Variants in HYDIN observed in about 807,000 individuals in gnomAD.
The protein encoded by HYDIN is axonemal central pair apparatus protein HYDIN.
A neutral mutation model predicts 403.9 loss-of-function variants in HYDIN; 132 were observed. That is an observed-to-expected ratio of 0.33 (90% CI 0.28 to 0.38). The LOEUF is 0.38. HYDIN is among the 10% of genes least tolerant of loss of function. The pLI is 1.00. For synonymous variants in HYDIN, 1,202 were observed against 1,891.7 expected (o/e 0.64, Z 9.46); for missense variants, 2,827 against 5,009.5 (o/e 0.56, Z 13.15).
intron 6 of HYDIN, among the ~76,000 whole-genome samples, chr16:71,158,390 GTAGA>G (rs1012965188): frequency 1.1e-4 from 16 of 152,136 alleles, no homozygotes; most frequent in South Asian, 4.2e-4. Flanking sequence ...ATATTCATAG[GTAGA>G]TAGATAGAAA....
intron 38 of HYDIN, among the ~76,000 whole-genome samples, chr16:70,961,321 T>C (rs982516881): frequency 5.3e-5 from 8 of 152,076 alleles, no homozygotes; most frequent in East Asian, 1.9e-4. Context: ...TACATGTTCC[T>C]GACTTCATTT....
intron 60 of HYDIN, among the ~76,000 whole-genome samples, chr16:70,881,344 CA>C (rs1348915354): frequency 1.4e-5 from 2 of 143,590 alleles, no homozygotes; most frequent in East Asian, 3.9e-4. Context: ...TGCGGTGGCT[CA>C]TGCCCGTAAT....
At chr16:71,165,854 C>T (rs1229786929) in intron 5 of HYDIN, among the ~76,000 whole-genome samples, 2 of 146,680 alleles carry the variant, frequency 1.4e-5, no homozygotes, top group Non-Finnish European at 3.0e-5. Flanking sequence ...TGATTTGGAA[C>T]CTGTGGCCAG....
intron 19 of HYDIN, among the ~76,000 whole-genome samples, chr16:71,028,259 G>A (rs1180293288): frequency 6.6e-6 from 1 of 152,104 alleles, no homozygotes; most frequent in Non-Finnish European, 1.5e-5. Flanking sequence ...TAGTGACTGA[G>A]TGGAATGTCC....
At chr16:70,819,682 G>T (rs937623870) in intron 83 of HYDIN, among the ~76,000 whole-genome samples, 11 of 147,510 alleles carry the variant, frequency 7.5e-5, no homozygotes, top group Non-Finnish European at 1.2e-4. Flanking sequence ...ATGCAATAGG[G>T]TCTATTCAAG....
At position 71,175,561 on chromosome 16, in the gene HYDIN, A is replaced by G. The variant is rs367816008; in HGVS notation, c.516+46T>C. 3.8e-6 allele frequency: 6 copies of G among 1,599,110 alleles called. No homozygotes were observed. In the African/African-American group the frequency reaches 8.1e-5, roughly 21 times the overall value. The stretch of plus-strand genomic sequence containing the variant: ...CTGTAAATATTCAGAATTGAACTGC[A>G]ATCTGCCAGTACAAGTGTCCAATTT... On this transcript the variant is annotated intron_variant, in intron 5 of 85. Transcript: ENST00000393567.
intron 23 of HYDIN, among the ~76,000 whole-genome samples, chr16:70,995,617 C>A (rs1434629379): frequency 6.6e-6 from 1 of 152,062 alleles, no homozygotes; most frequent in East Asian, 1.9e-4. Flanking sequence ...CCCTGATGAA[C>A]AAGCTTGTAT....
rs58496012 is a variant in HYDIN at position 70,936,540 on chromosome 16, A to ATT, written c.6996-428_6996-427dup. Among the ~76,000 whole-genome samples, 88 of 67,498 alleles carry ATT rather than the reference A, an allele frequency of 1.3e-3. 7 individuals are homozygous for ATT. The highest frequency in any genetic ancestry group is 6.9e-3 in the East Asian group (19 of 2,764). 44.3% of individuals were successfully genotyped at this position (67,498 alleles called of 152,430 possible). A position where few individuals can be genotyped will look rare whatever the true frequency, so the allele number is the denominator to read the frequency against. Reference sequence around the variant, plus strand: ...CATGTTTGCTGTTCAGAAAATAAGAATTTTTTTTTTTTTTTGACAGAGTCT... The same window carrying ATT: ...CATGTTTGCTGTTCAGAAAATAAGAATTTTTTTTTTTTTTTTTGACAGAGTCT... On this transcript the variant is annotated intron_variant, in intron 44 of 85. Coordinates refer to ENST00000393567, the MANE Select transcript of HYDIN (RefSeq NM_001270974.2).
chr16:71,171,626 T>G (rs530446987), intron 5 of HYDIN, among the ~76,000 whole-genome samples: 1 of 152,162 alleles, frequency 6.6e-6, no homozygotes, highest in African/African-American at 2.4e-5. Context: ...ATGAGGTCCA[T>G]AAAGCTAAAA....
intron 21 of HYDIN, among the ~76,000 whole-genome samples, chr16:71,022,437 G>A (rs4788719): frequency 6.6e-6 from 1 of 152,274 alleles, no homozygotes; most frequent in African/African-American, 2.4e-5. Flanking sequence ...TGAATGGTAC[G>A]ATAGTTATAA....
intron 13 of HYDIN, among the ~76,000 whole-genome samples, chr16:71,071,509 C>A (rs2082467873): frequency 1.3e-5 from 2 of 150,498 alleles, no homozygotes; most frequent in Admixed American, 1.3e-4. Context: ...TATTTATTTG[C>A]CTTCTCTTCA....
Position 70,998,145 on chromosome 16 carries a change from C to T in HYDIN, c.3645-5935G>A, listed in dbSNP as rs534384976. Among the ~76,000 whole-genome samples the T allele has an allele frequency of 1.8e-4, 28 of 152,242 alleles. No individual in the cohort carries two copies. The East Asian group carries it at 2.9e-3, about 16-fold the overall frequency. ...CAATTATGTTTCGGGTACTTTGTTG[C>T]GTGATGAAAGCTAACATATACAGAT... On this transcript the variant is annotated intron_variant, in intron 23 of 85. Coordinates refer to ENST00000393567, the MANE Select transcript of HYDIN (RefSeq NM_001270974.2).
At chr16:70,858,115 G>A (rs1170628315) in intron 71 of HYDIN, among the ~76,000 whole-genome samples, 4 of 151,692 alleles carry the variant, frequency 2.6e-5, no homozygotes, top group African/African-American at 4.8e-5. Flanking sequence ...CTAAGCTGTC[G>A]TGTTTTGTGC....
intron 41 of HYDIN, among the ~76,000 whole-genome samples, chr16:70,946,411 G>T (rs1223950430): frequency 6.6e-6 from 1 of 151,166 alleles, no homozygotes; most frequent in Non-Finnish European, 1.5e-5. Context: ...AGACCAAAGG[G>T]CCCATTGGAG....
chr16:70,807,043 C>G lies in HYDIN; in HGVS notation c.*537G>C, dbSNP rs1048919676. On this transcript the variant is annotated 3_prime_UTR_variant, in exon 86 of 86. Coordinates refer to ENST00000393567, the MANE Select transcript of HYDIN (RefSeq NM_001270974.2). ...GATTCGGACACTGATGGTATAAAAGCCAAGAGAAAAAGTGATGGGAGTGTC... is the reference window on the plus strand; with the variant it reads ...GATTCGGACACTGATGGTATAAAAGGCAAGAGAAAAAGTGATGGGAGTGTC... 6.6e-6 allele frequency among the ~76,000 whole-genome samples: 1 copy of G among 152,134 alleles called. No individual in the cohort carries two copies. The highest frequency in any genetic ancestry group is 1.5e-5 in the Non-Finnish European group (1 of 68,020).
intron 13 of HYDIN, among the ~76,000 whole-genome samples, chr16:71,073,040 T>C (rs1348220743): frequency 2.0e-5 from 3 of 152,202 alleles, no homozygotes; most frequent in African/African-American, 4.8e-5. Flanking sequence ...CTGGGGATCT[T>C]AAGTAGAGGT....
rs532554845 is a variant in HYDIN, at chr16:71,043,673, T to C, written c.2530-11756A>G. On this transcript the variant is annotated intron_variant, in intron 18 of 85. Transcript: ENST00000393567. ...GATTTTTAATTGTCATTTTGTTTTA[T>C]TTTAAACTTTCTTCTTGTATTGTAT... is the stretch of plus-strand genomic sequence containing the variant. 3.6e-3 allele frequency among the ~76,000 whole-genome samples: 552 copies of C among 152,246 alleles called. 2 individuals carry two copies. Among genetic ancestry groups the C allele is most frequent in the Middle Eastern group, 6.8e-3 (2 of 294 alleles).
chr16:70,906,450 G>A lies in HYDIN; in HGVS notation c.8516+922C>T, dbSNP rs368216112. On this transcript the variant is annotated intron_variant, in intron 50 of 85. Coordinates refer to ENST00000393567, the MANE Select transcript of HYDIN (RefSeq NM_001270974.2). ...GCAATGCCATCTCGCCTTTCTCCCC[G>A]TTGGCATGCAGTGACAGTCCCTCTT... Among the ~76,000 whole-genome samples, 10 of 151,194 alleles carry A rather than the reference G, an allele frequency of 6.6e-5. No homozygotes were observed. The South Asian group carries it at 1.3e-3, about 19-fold the overall frequency.
At chr16:71,176,203 G>T (rs1205513445) in intron 4 of HYDIN, among the ~76,000 whole-genome samples, 1 of 150,344 alleles carries the variant, frequency 6.7e-6, no homozygotes, top group Non-Finnish European at 1.5e-5. Flanking sequence ...TACTGGGGAG[G>T]CTGAGGCAGG....
Sources: allele counts gnomAD v4.1 joint callset (sites outside exome capture counted in the v4.1 genomes callset), GRCh38; gene constraint gnomAD v4.1.1; transcripts MANE v1.5; gene names NCBI Gene and HGNC (gene_info 2026-07-23, HGNC 2026-07-21).